OTUD7A: variants seen among roughly 807,000 people sequenced by gnomAD.
The protein encoded by OTUD7A is OTU domain-containing protein 7A.
In OTUD7A, 12 loss-of-function variants were observed where a neutral mutation model predicts 65.7. The observed-to-expected ratio is 0.18, with a 90% CI of 0.12 to 0.30. The LOEUF (loss-of-function observed/expected upper bound fraction) is 0.30. Among genes scored for constraint, OTUD7A ranks in the 10% least tolerant of loss-of-function variants. OTUD7A has a pLI of 1.00. For synonymous variants in OTUD7A, 641 were observed against 586.3 expected (o/e 1.09, Z -1.35); for missense variants, 1,148 against 1,304.8 (o/e 0.88, Z 1.85).
chr15:31,634,211 C>T (rs1334431861), intron 3 of OTUD7A, among the ~76,000 whole-genome samples: 1 of 152,188 alleles, frequency 6.6e-6, no homozygotes, highest in Non-Finnish European at 1.5e-5. Context: ...TCCCCTGGAG[C>T]CCCGTCAGGG....
intron 1 of OTUD7A, among the ~76,000 whole-genome samples, chr15:31,867,554 T>TA (rs1897909880): frequency 6.6e-6 from 1 of 152,222 alleles, no homozygotes; most frequent in African/African-American, 2.4e-5. Flanking sequence ...TCCCAGGGCC[T>TA]AAGTCAATCG....
rs922843034 is a variant in OTUD7A at position 31,558,748 on chromosome 15, G to A, written c.550+221C>T. ...TTAGGAGCAAGGGGAAAACTCGAGA[G>A]ATTTCAGCACCACCTAGTTATCGGC... On this transcript the variant is annotated intron_variant, in intron 5 of 12. Coordinates refer to ENST00000307050, the MANE Select transcript of OTUD7A (RefSeq NM_001382637.1). 9 of 597,556 alleles carry A rather than the reference G, an allele frequency of 1.5e-5. No homozygotes were observed. In the African/African-American group the frequency reaches 1.7e-4, roughly 11 times the overall value. 37.0% of individuals were successfully genotyped at this position (597,556 alleles called of 1,614,324 possible).
chr15:31,772,533 A>G (rs1056974815), intron 1 of OTUD7A, among the ~76,000 whole-genome samples: 139 of 152,320 alleles, frequency 9.1e-4, no homozygotes, highest in African/African-American at 3.2e-3. Context: ...TTTGCTGCAC[A>G]TTAGAATTAC....
Position 31,483,808 on chromosome 15 carries a change from C to A in OTUD7A, c.2288G>T (p.Gly763Val). Residue 763 changes from glycine (G) to valine (V), a missense_variant, in exon 13 of 13, where the codon GGA (glycine) becomes GTA (valine). Physicochemically the swap from Gly to Val is moderately radical, Grantham distance 109. Coordinates refer to ENST00000307050, the MANE Select transcript of OTUD7A (RefSeq NM_001382637.1). The part of the protein sequence containing the change: ...GGGARRASAS[G>V]PVPGRSPPAP... ...CGGGGGGCTGCGGCCAGGCACTGGT[C>A]CGCTGGCGCTCGCACGCCGCGCGCC... The A allele has an allele frequency of 9.9e-7, 1 of 1,006,592 alleles. No individual in the cohort carries two copies. The highest frequency in any genetic ancestry group is 4.5e-5 in the South Asian group (1 of 22,182). The allele number at this position is 1,006,592 out of a possible 1,614,324, so 62.4% of individuals were successfully genotyped here.
intron 3 of OTUD7A, among the ~76,000 whole-genome samples, chr15:31,586,409 T>C (rs1389630250): frequency 1.3e-5 from 2 of 152,208 alleles, no homozygotes; most frequent in Admixed American, 6.5e-5. Context: ...GGTAGGGTTT[T>C]CTGCACAGCA....
In OTUD7A at chr15:31,867,719, T is replaced by G. The variant is rs531718403; in HGVS notation, c.-100+2788A>C. 1.7e-4 allele frequency among the ~76,000 whole-genome samples: 26 copies of G among 152,318 alleles called. 1 individual carries two copies. In the South Asian group the frequency reaches 2.9e-3, roughly 17 times the overall value. The stretch of plus-strand genomic sequence containing the variant: ...CAAACTAACACTCACTTCCGCAGTC[T>G]GAGAAGGCACTCAATCCTGAGACTC... On this transcript the variant is annotated intron_variant, in intron 1 of 12. Coordinates refer to ENST00000307050, the MANE Select transcript of OTUD7A (RefSeq NM_001382637.1).
Position 31,535,589 on chromosome 15 carries a change from T to C in OTUD7A, c.551-4781A>G, listed in dbSNP as rs182397026. On this transcript the variant is annotated intron_variant, in intron 5 of 12. Transcript: ENST00000307050. The stretch of plus-strand genomic sequence containing the variant: ...TATAAGAAATTCAGAGCAGCCTTAT[T>C]TCTCAATAAAACTAGTTGCTAACAC... 1.2e-4 allele frequency among the ~76,000 whole-genome samples: 19 copies of C among 152,232 alleles called. No homozygotes were observed. In the East Asian group the frequency reaches 3.5e-3, roughly 28 times the overall value.
At chr15:31,675,693 C>T (rs1892580929) in intron 1 of OTUD7A, among the ~76,000 whole-genome samples, 1 of 152,172 alleles carries the variant, frequency 6.6e-6, no homozygotes, top group Admixed American at 6.5e-5. Flanking sequence ...ACAAGATCAA[C>T]ATCCAAAAAT....
At chr15:31,554,650 A>T (rs956278399) in intron 5 of OTUD7A, among the ~76,000 whole-genome samples, 4 of 152,136 alleles carry the variant, frequency 2.6e-5, no homozygotes, top group Non-Finnish European at 5.9e-5. Flanking sequence ...GCATTACACA[A>T]AAATGCCTCT....
intron 10 of OTUD7A, among the ~76,000 whole-genome samples, chr15:31,495,384 A>G: frequency 6.6e-6 from 1 of 152,244 alleles, no homozygotes; most frequent in East Asian, 1.9e-4. Flanking sequence ...CTCCATAGCC[A>G]TGAAGTCCCT....
chr15:31,609,555 C>T (rs964430466), intron 3 of OTUD7A, among the ~76,000 whole-genome samples: 1 of 152,124 alleles, frequency 6.6e-6, no homozygotes, highest in Non-Finnish European at 1.5e-5. Context: ...CTACAGCAGC[C>T]GCAGCACAGC....
At chr15:31,527,538 G>C (rs1217297636) in intron 6 of OTUD7A, among the ~76,000 whole-genome samples, 1 of 152,234 alleles carries the variant, frequency 6.6e-6, no homozygotes, top group African/African-American at 2.4e-5. Flanking sequence ...AACAATAGTG[G>C]GTGAAAATCA....
At chr15:31,664,153 C>T (rs150760151) in intron 1 of OTUD7A, among the ~76,000 whole-genome samples, 2 of 152,284 alleles carry the variant, frequency 1.3e-5, no homozygotes, top group Non-Finnish European at 2.9e-5. Context: ...GTATCTTCTT[C>T]GTATAATGAT....
chr15:31,770,904 C>A (rs1274397758), intron 1 of OTUD7A, among the ~76,000 whole-genome samples: 2 of 152,110 alleles, frequency 1.3e-5, no homozygotes, highest in African/African-American at 4.8e-5. Flanking sequence ...AAAGGACTCC[C>A]GCAACCTGAC....
intron 1 of OTUD7A, among the ~76,000 whole-genome samples, chr15:31,769,593 CG>C (rs1895179736): frequency 6.6e-6 from 1 of 152,134 alleles, no homozygotes; most frequent in South Asian, 2.1e-4. Flanking sequence ...AATAAACAAA[CG>C]GTGGTGCATC....
intron 5 of OTUD7A, 41 bp downstream of exon 5, chr15:31,558,928 C>CAAGCCT (rs763069101): frequency 3.1e-6 from 5 of 1,601,838 alleles, no homozygotes; most frequent in Admixed American, 1.7e-5. Flanking sequence ...CACCATTCAC[C>CAAGCCT]AAGCCTAAAG....
chr15:31,532,620 G>A (rs1887665271), intron 5 of OTUD7A, among the ~76,000 whole-genome samples: 1 of 152,000 alleles, frequency 6.6e-6, no homozygotes. Context: ...GGCGAAATAA[G>A]GTAGAGCTAA....
At chr15:31,828,389 T>A (rs990471586) in intron 1 of OTUD7A, among the ~76,000 whole-genome samples, 1 of 152,198 alleles carries the variant, frequency 6.6e-6, no homozygotes, top group Non-Finnish European at 1.5e-5. Flanking sequence ...TCAATAGATG[T>A]TTACATCGTG....
chr15:31,751,652 T>C (rs1894638724), intron 1 of OTUD7A, among the ~76,000 whole-genome samples: 1 of 152,066 alleles, frequency 6.6e-6, no homozygotes, highest in Admixed American at 6.5e-5. Flanking sequence ...AACAAAGACA[T>C]GGAATCAACC....
Sources: gnomAD v4.1 joint callset for allele counts (sites outside exome capture counted in the v4.1 genomes callset) on GRCh38, gnomAD v4.1.1 for gene constraint, MANE v1.5 for transcripts, NCBI Gene and HGNC (gene_info 2026-07-23, HGNC 2026-07-21) for gene names.